CDKL5: variants seen among roughly 807,000 people sequenced by gnomAD.
CDKL5 encodes cyclin-dependent kinase-like 5.
CDKL5 carries 8 observed loss-of-function variants against 61.7 expected under a neutral mutation model. The ratio of observed to expected loss-of-function variants is 0.13; its 90% CI spans 0.08 to 0.23. CDKL5 has a LOEUF of 0.23. Among genes scored for constraint, CDKL5 ranks in the 10% least tolerant of loss-of-function variants. The pLI, the probability that CDKL5 is intolerant of heterozygous loss-of-function variation, is 1.00. For missense variants in CDKL5, 440 were observed against 734.5 expected, an observed-to-expected ratio of 0.60 and a Z score of 4.63; for synonymous variants, 275 against 272.3, an observed-to-expected ratio of 1.01 and a Z score of -0.10.
rs376557374 is a variant in CDKL5, at chrX:18,650,479, G to T, written c.2867G>T (p.Arg956Leu). The T allele has an allele frequency of 1.9e-5, 23 of 1,211,656 alleles. No individual in the cohort carries two copies. In the South Asian group the frequency reaches 3.7e-4, roughly 19 times the overall value. The stretch of plus-strand genomic sequence containing the variant: ...TGCGTCCCAAACCGAGCCCTTCATC[G>T]TCCAATCTCCAGTCCTGCTCCCTAT... The change falls in exon 21 of 22, where the codon CGT becomes CTT. Residue 956 changes from arginine (R) to leucine (L), a missense_variant. Coordinates refer to the CDKL5 transcript ENST00000379989.
intron 1 of CDKL5, among the ~76,000 whole-genome samples, chrX:18,435,085 C>T (rs930955078): frequency 5.4e-5 from 6 of 111,393 alleles, no homozygotes; most frequent in Admixed American, 9.6e-5. Context: ...AACTTACTGA[C>T]CCGGATTTAC....
intron 3 of CDKL5, among the ~76,000 whole-genome samples, chrX:18,550,047 G>A (rs765805330): frequency 8.9e-6 from 1 of 111,756 alleles, no homozygotes; most frequent in South Asian, 3.8e-4. Flanking sequence ...GTGTTGAGGG[G>A]CAAGCTGATA....
At chrX:18,651,141 C>G (rs1002420969) in intron 21 of CDKL5, among the ~76,000 whole-genome samples, 2 of 103,198 alleles carry the variant, frequency 1.9e-5, no homozygotes, top group African/African-American at 7.1e-5. Context: ...CCGCACCCCC[C>G]GCCACACCCT....
In CDKL5 at chrX:18,579,805, G is replaced by A. The variant is rs267608448; in HGVS notation, c.283-43G>A. On this transcript the variant is annotated intron_variant, in intron 5 of 17. Transcript: ENST00000623535. ...TAAAATTGTTAATACATAATTTACGGGCCTACCTAATTTGGGAAATAATGA... is the reference window on the plus strand; with the variant it reads ...TAAAATTGTTAATACATAATTTACGAGCCTACCTAATTTGGGAAATAATGA... The A allele has an allele frequency of 7.1e-4, 821 of 1,161,061 alleles. 2 individuals carry two copies. The highest frequency in any genetic ancestry group is 1.0e-3 in the South Asian group (57 of 55,416).
intron 1 of CDKL5, among the ~76,000 whole-genome samples, chrX:18,448,159 T>G (rs1169314033): frequency 8.9e-6 from 1 of 112,390 alleles, no homozygotes; most frequent in East Asian, 2.8e-4. Context: ...ATGTCTAATG[T>G]GAAGTACATC....
intron 15 of CDKL5, among the ~76,000 whole-genome samples, chrX:18,616,710 G>A (rs1050328603): frequency 9.0e-6 from 1 of 111,516 alleles, no homozygotes; most frequent in Non-Finnish European, 1.9e-5. Context: ...TTCTCGTAAG[G>A]TTATGAATAT....
At chrX:18,529,630 T>G (rs1923571029) in intron 3 of CDKL5, among the ~76,000 whole-genome samples, 1 of 111,141 alleles carries the variant, frequency 9.0e-6, no homozygotes, top group Non-Finnish European at 1.9e-5. Context: ...TGAGTAACTT[T>G]GAGGTAGAGT....
chrX:18,536,725 C>T (rs776698404), intron 3 of CDKL5, among the ~76,000 whole-genome samples: 1 of 110,169 alleles, frequency 9.1e-6, no homozygotes, highest in African/African-American at 3.3e-5. Flanking sequence ...GGATTACAGG[C>T]GTGAGCCACC....
At chrX:18,560,249 A>C (rs1924754802) in intron 3 of CDKL5, among the ~76,000 whole-genome samples, 1 of 111,695 alleles carries the variant, frequency 9.0e-6, no homozygotes, top group Admixed American at 9.5e-5. Context: ...AGTCCCACCA[A>C]CAGTGTAAAA....
intron 7 of CDKL5, 60 bp from the exon 8 acceptor site, chrX:18,584,203 G>T (rs1275214885): frequency 1.4e-6 from 1 of 705,230 alleles, no homozygotes; most frequent in African/African-American, 2.1e-5. Flanking sequence ...GAAATATTTT[G>T]CCCACATGAA....
chrX:18,633,574 C>T lies in CDKL5; in HGVS notation c.*4817C>T, dbSNP rs1602303300. On this transcript the variant is annotated 3_prime_UTR_variant, in exon 18 of 18. Coordinates refer to ENST00000623535, the MANE Select transcript of CDKL5 (RefSeq NM_001323289.2). ...GGTCTGGTTCAGCTGATGAAAAATT[C>T]TGTCTCAGAAACGATGAGTAAGAAA... 2 of 753,298 alleles carry T rather than the reference C, an allele frequency of 2.7e-6. No homozygotes were observed. The highest frequency in any genetic ancestry group is 8.7e-5 in the Admixed American group (1 of 11,532). 62.1% of individuals were successfully genotyped at this position (753,298 alleles called of 1,213,427 possible).
At chrX:18,484,328 T>TG (rs199715893) in intron 1 of CDKL5, among the ~76,000 whole-genome samples, 2,832 of 108,405 alleles carry the variant, frequency 0.026, 94 homozygotes, top group East Asian at 0.18. Flanking sequence ...TCTTTTTTTT[T>TG]GGGGGGGGGA....
chrX:18,453,883 C>T (rs943983338), intron 1 of CDKL5, among the ~76,000 whole-genome samples: 2 of 111,795 alleles, frequency 1.8e-5, no homozygotes, highest in East Asian at 2.8e-4. Context: ...TTATTGAGCT[C>T]GTTTTGTTTT....
intron 9 of CDKL5, 94 bp downstream of exon 9, chrX:18,588,237 T>C: frequency 1.4e-6 from 1 of 689,860 alleles, no homozygotes; most frequent in Non-Finnish European, 2.3e-6. Flanking sequence ...ATCCTTTGAA[T>C]ACTATTTCTT....
At chrX:18,470,609 G>A (rs1426245275) in intron 1 of CDKL5, among the ~76,000 whole-genome samples, 2 of 110,960 alleles carry the variant, frequency 1.8e-5, no homozygotes, top group Non-Finnish European at 3.8e-5. Flanking sequence ...AACTTATATG[G>A]TAATCAGACT....
chrX:18,589,347 G>T (rs1240772743), intron 9 of CDKL5: 1 of 109,812 alleles, frequency 9.1e-6, no homozygotes, highest in Non-Finnish European at 1.9e-5. Context: ...GTGTCCAAGT[G>T]TTCTCATTGT....
In CDKL5 at chrX:18,631,450, A is replaced by G. The variant is rs1927234617; in HGVS notation, c.*2693A>G. On this transcript the variant is annotated 3_prime_UTR_variant, in exon 18 of 18. Transcript: ENST00000623535. ...GGGGGATGCAAAAGTTTTCTCTCAC[A>G]CCTAATGGGCCCTCTCTTAGCTTTT... The G allele has an allele frequency of 1.3e-6, 1 of 751,719 alleles. No individual in the cohort carries two copies. Among genetic ancestry groups the G allele is most frequent in the Admixed American group, 8.8e-5 (1 of 11,369 alleles). 62.0% of individuals were successfully genotyped at this position (751,719 alleles called of 1,213,427 possible).
intron 1 of CDKL5, among the ~76,000 whole-genome samples, chrX:18,491,557 G>A (rs1178056350): frequency 9.0e-6 from 1 of 111,452 alleles, no homozygotes; most frequent in African/African-American, 3.3e-5. Flanking sequence ...CTCCCTTTGT[G>A]AATTTTCCAT....
chrX:18,580,498 C>T (rs779327220), intron 6 of CDKL5, among the ~76,000 whole-genome samples: 3 of 111,506 alleles, frequency 2.7e-5, no homozygotes, highest in South Asian at 3.8e-4. Context: ...GAAAAGTGCC[C>T]GTTGTCTGCA....
Sources: allele counts gnomAD v4.1 joint callset (sites outside exome capture counted in the v4.1 genomes callset), GRCh38; gene constraint gnomAD v4.1.1; transcripts MANE v1.5; gene names NCBI Gene and HGNC (gene_info 2026-07-23, HGNC 2026-07-21).